The following AP1AR variants were observed in gnomAD, a reference collection of about 807,000 sequenced individuals.
AP1AR encodes the protein AP-1 complex-associated regulatory protein.
In AP1AR, 29 loss-of-function variants were observed where a neutral mutation model predicts 46.3. That is an observed-to-expected ratio of 0.63 (90% CI 0.47 to 0.85). The LOEUF is 0.85. AP1AR is among the 40% of genes least tolerant of loss of function. AP1AR has a pLI of 0.00. For synonymous variants in AP1AR, 122 were observed against 122.9 expected (o/e 0.99, Z 0.05); for missense variants, 357 against 356.3 (o/e 1.00, Z -0.02).
At chr4:112,254,953 A>C (rs1198914300) in intron 3 of AP1AR, 180 bp downstream of exon 3, 2 of 371,230 alleles carry the variant, frequency 5.4e-6, no homozygotes, top group Non-Finnish European at 9.5e-6. Flanking sequence ...ATATTAGAAA[A>C]TAATTCCGAA....
Position 112,272,374 on chromosome 4 carries a change from T to G in AP1AR, c.*3965T>G, listed in dbSNP as rs1726989134. ...AAGATGGCAGAGTTTGGCCTTCCTC[T>G]GGGGGCATGACCAGACATGCGCAGT... On this transcript the variant is annotated 3_prime_UTR_variant, in exon 10 of 10. Transcript: ENST00000274000. Among the ~76,000 whole-genome samples the G allele has an allele frequency of 2.6e-5, 4 of 152,064 alleles. No individual in the cohort carries two copies. The South Asian group carries it at 8.3e-4, about 32-fold the overall frequency.
In AP1AR at chr4:112,231,862, C is replaced by A; in HGVS notation, c.-230C>A. 2.5e-6 allele frequency: 1 copy of A among 392,982 alleles called. No homozygotes were observed. Among genetic ancestry groups the A allele is most frequent in the Non-Finnish European group, 4.5e-6 (1 of 222,364 alleles). The allele number at this position is 392,982 out of a possible 1,614,324, so 24.3% of individuals were successfully genotyped here. A position where few individuals can be genotyped will look rare whatever the true frequency, so the allele number is the denominator to read the frequency against. Reference sequence around the variant, plus strand: ...GGAGTCCAGAGCCTTGAGCCCGGTGCTCCTCCCTCGCGCAGCGGTGGCTCT... The same window carrying A: ...GGAGTCCAGAGCCTTGAGCCCGGTGATCCTCCCTCGCGCAGCGGTGGCTCT... On this transcript the variant is annotated 5_prime_UTR_variant, in exon 1 of 10. Coordinates refer to ENST00000274000, the MANE Select transcript of AP1AR (RefSeq NM_018569.6).
intron 2 of AP1AR, among the ~76,000 whole-genome samples, chr4:112,253,826 C>G (rs141926678): frequency 6.6e-6 from 1 of 152,128 alleles, no homozygotes; most frequent in Non-Finnish European, 1.5e-5. Flanking sequence ...TATTACACAA[C>G]CTATTAAGTG....
chr4:112,238,397 A>G (rs1560601270), intron 1 of AP1AR, among the ~76,000 whole-genome samples: 2 of 151,938 alleles, frequency 1.3e-5, no homozygotes, highest in African/African-American at 4.8e-5. Flanking sequence ...TTGACTCACT[A>G]TTTTTTTTAA....
intron 1 of AP1AR, among the ~76,000 whole-genome samples, chr4:112,250,080 C>T (rs916785037): frequency 1.3e-5 from 2 of 152,148 alleles, no homozygotes; most frequent in African/African-American, 4.8e-5. Context: ...TAAAACTTGA[C>T]TTAAGGTTTA....
intron 1 of AP1AR, among the ~76,000 whole-genome samples, chr4:112,235,343 T>C (rs2110462996): frequency 6.6e-6 from 1 of 152,346 alleles, no homozygotes. Flanking sequence ...TAATTCCACA[T>C]AGTGATTCCA....
At chr4:112,239,784 G>A (rs887867627) in intron 1 of AP1AR, among the ~76,000 whole-genome samples, 9 of 152,180 alleles carry the variant, frequency 5.9e-5, no homozygotes, top group African/African-American at 2.2e-4. Context: ...TAGACTCCGA[G>A]CATTTGTTTG....
At chr4:112,243,891 T>C (rs1391296241) in intron 1 of AP1AR, among the ~76,000 whole-genome samples, 2 of 152,204 alleles carry the variant, frequency 1.3e-5, no homozygotes, top group African/African-American at 2.4e-5. Flanking sequence ...GTAATTATAC[T>C]ACTTTAAACT....
chr4:112,232,820 G>A (rs1381252735), intron 1 of AP1AR, among the ~76,000 whole-genome samples: 4 of 152,166 alleles, frequency 2.6e-5, no homozygotes, highest in Non-Finnish European at 4.4e-5. Context: ...TCCTTGCCCT[G>A]ATTGCTACTC....
chr4:112,242,115 T>C (rs1246453529), intron 1 of AP1AR, among the ~76,000 whole-genome samples: 1 of 152,244 alleles, frequency 6.6e-6, no homozygotes, highest in Non-Finnish European at 1.5e-5. Context: ...CACTTTGATA[T>C]GAGTATTTGC....
At chr4:112,235,810 T>G (rs1029235919) in intron 1 of AP1AR, among the ~76,000 whole-genome samples, 1 of 152,176 alleles carries the variant, frequency 6.6e-6, no homozygotes, top group Admixed American at 6.5e-5. Context: ...ATCTTGAACG[T>G]TGTCACCAGA....
At chr4:112,233,758 T>C (rs1025268147) in intron 1 of AP1AR, among the ~76,000 whole-genome samples, 1 of 152,254 alleles carries the variant, frequency 6.6e-6, no homozygotes, top group African/African-American at 2.4e-5. Context: ...CCTCAGCTCG[T>C]GAGCTTGGCA....
intron 5 of AP1AR, 54 bp downstream of exon 5, chr4:112,260,916 C>A: frequency 8.8e-7 from 1 of 1,139,658 alleles, no homozygotes; most frequent in Non-Finnish European, 1.3e-6. Context: ...AGAGAATTGT[C>A]ATTAAATAAT....
At chr4:112,236,396 A>C in intron 1 of AP1AR, among the ~76,000 whole-genome samples, 1 of 106,766 alleles carries the variant, frequency 9.4e-6, no homozygotes, top group Non-Finnish European at 1.7e-5. Flanking sequence ...CTAAATTTCT[A>C]AGTCTTTTTT....
chr4:112,244,395 G>A (rs777376275), intron 1 of AP1AR, among the ~76,000 whole-genome samples: 1 of 152,150 alleles, frequency 6.6e-6, no homozygotes, highest in Non-Finnish European at 1.5e-5. Context: ...CTGTTGTATT[G>A]CCACAGCATA....
At chr4:112,248,737 C>T (rs375147433) in intron 1 of AP1AR, among the ~76,000 whole-genome samples, 1 of 152,138 alleles carries the variant, frequency 6.6e-6, no homozygotes, top group African/African-American at 2.4e-5. Context: ...AAAACTCTTC[C>T]CATGGTCTAT....
intron 6 of AP1AR, 63 bp downstream of exon 6, chr4:112,263,149 C>A: frequency 1.6e-6 from 2 of 1,288,054 alleles, no homozygotes; most frequent in Non-Finnish European, 2.2e-6. Flanking sequence ...TCTGACAAAT[C>A]TTAGTTGGGA....
intron 6 of AP1AR, among the ~76,000 whole-genome samples, chr4:112,263,441 G>T (rs1726539488): frequency 6.6e-6 from 1 of 150,738 alleles, no homozygotes; most frequent in South Asian, 2.1e-4. Context: ...AATATAATTG[G>T]CAAAGCATTT....
At chr4:112,249,633 G>A (rs915097296) in intron 1 of AP1AR, among the ~76,000 whole-genome samples, 4 of 151,856 alleles carry the variant, frequency 2.6e-5, no homozygotes, top group Non-Finnish European at 5.9e-5. Flanking sequence ...CTCCAGCCTG[G>A]GTAAGAGTGA....
Sources: allele counts gnomAD v4.1 joint callset (sites outside exome capture counted in the v4.1 genomes callset), GRCh38; gene constraint gnomAD v4.1.1; transcripts MANE v1.5; gene names NCBI Gene and HGNC (gene_info 2026-07-23, HGNC 2026-07-21).